Variants in PSAP observed in about 807,000 individuals in gnomAD.
The protein encoded by PSAP is prosaposin.
PSAP carries 25 observed loss-of-function variants against 66.0 expected under a neutral mutation model. That is an observed-to-expected ratio of 0.38 (90% CI 0.28 to 0.53). The LOEUF (loss-of-function observed/expected upper bound fraction) is 0.53. Among genes scored for constraint, PSAP ranks in the 20% least tolerant of loss-of-function variants. PSAP has a pLI of 0.83. For missense variants in PSAP, 649 were observed against 668.8 expected, an observed-to-expected ratio of 0.97 and a Z score of 0.33; for synonymous variants, 273 against 258.9, an observed-to-expected ratio of 1.05 and a Z score of -0.52.
intron 1 of PSAP, among the ~76,000 whole-genome samples, chr10:71,849,902 G>C (rs1187848664): frequency 6.6e-6 from 1 of 152,028 alleles, no homozygotes; most frequent in African/African-American, 2.4e-5. Context: ...TGAGAATTAA[G>C]CTCCGATTTT....
intron 2 of PSAP, among the ~76,000 whole-genome samples, chr10:71,833,085 A>G (rs1280968327): frequency 6.6e-6 from 1 of 151,982 alleles, no homozygotes; most frequent in Non-Finnish European, 1.5e-5. Flanking sequence ...ATCAAGTTTT[A>G]AAGTCCTTAC....
At chr10:71,839,491 GC>G (rs1342108491) in intron 1 of PSAP, among the ~76,000 whole-genome samples, 2 of 152,138 alleles carry the variant, frequency 1.3e-5, no homozygotes, top group African/African-American at 4.8e-5. Flanking sequence ...ACCCGCCTCG[GC>G]CTCCCAAAGT....
chr10:71,846,371 C>G (rs1246532487), intron 1 of PSAP, among the ~76,000 whole-genome samples: 5 of 149,984 alleles, frequency 3.3e-5, no homozygotes, highest in African/African-American at 1.2e-4. Flanking sequence ...ACTTTTGCAA[C>G]AGCCAAAATC....
At chr10:71,828,243 G>C (rs957765536) in intron 5 of PSAP, 86 bp from the exon 6 acceptor site, 12 of 1,447,364 alleles carry the variant, frequency 8.3e-6, no homozygotes, top group African/African-American at 5.6e-5. Context: ...TGCAGCATTA[G>C]GGGGCACTTG....
chr10:71,829,271 C>T (rs751720809), intron 4 of PSAP, among the ~76,000 whole-genome samples, 194 bp from the exon 5 acceptor site: 5 of 152,198 alleles, frequency 3.3e-5, no homozygotes, highest in African/African-American at 7.2e-5. Flanking sequence ...CACACAGTGG[C>T]CCCTAAGCTT....
At position 71,819,830 on chromosome 10, in the gene PSAP, T is replaced by G. The variant is rs765744298; in HGVS notation, c.1076A>C (p.Glu359Ala). The part of the protein sequence containing the change: ...LPKSLSEECQ[E>A]VVDTYGSSIL... ...GGAGCTGCCGTACGTGTCCACCACCTCCTGGCACTCTTCCGACAGGGACTT... is the reference window on the plus strand; with the variant it reads ...GGAGCTGCCGTACGTGTCCACCACCGCCTGGCACTCTTCCGACAGGGACTT... Residue 359 changes from glutamate (E) to alanine (A), a missense_variant, in exon 10 of 14, where the codon GAG becomes GCG. Physicochemically the swap from Glu to Ala is moderately radical, Grantham distance 107 (BLOSUM62 -1). Coordinates refer to ENST00000394936, the MANE Select transcript of PSAP (RefSeq NM_002778.4). The G allele has an allele frequency of 3.7e-5, 60 of 1,614,012 alleles. No individual in the cohort carries two copies. The South Asian group carries it at 5.1e-4, about 14-fold the overall frequency.
At chr10:71,824,664 C>A (rs560974756) in intron 7 of PSAP, among the ~76,000 whole-genome samples, 1 of 152,192 alleles carries the variant, frequency 6.6e-6, no homozygotes, top group African/African-American at 2.4e-5. Context: ...CAATGGCCAA[C>A]ATATTTTTAG....
intron 1 of PSAP, among the ~76,000 whole-genome samples, chr10:71,840,090 A>T (rs1011994362): frequency 4.6e-5 from 7 of 152,238 alleles, no homozygotes; most frequent in African/African-American, 1.7e-4. Flanking sequence ...AATGTGATAA[A>T]ACAATCAGTC....
intron 1 of PSAP, among the ~76,000 whole-genome samples, chr10:71,835,516 G>A (rs1842604749): frequency 6.7e-6 from 1 of 148,586 alleles, no homozygotes; most frequent in Admixed American, 6.7e-5. Context: ...AGGTTGTAGT[G>A]AGCCGAGATC....
chr10:71,839,215 GGC>G (rs908863476), intron 1 of PSAP, among the ~76,000 whole-genome samples: 1 of 152,082 alleles, frequency 6.6e-6, no homozygotes, highest in African/African-American at 2.4e-5. Flanking sequence ...TCAAGGGCCT[GGC>G]AAGACAGCTT....
chr10:71,831,749 T>C, intron 3 of PSAP, 97 bp downstream of exon 3: 1 of 1,264,874 alleles, frequency 7.9e-7, no homozygotes, highest in Middle Eastern at 2.6e-4. Context: ...CCCTCAGGCC[T>C]ACACCATTCC....
chr10:71,819,263 C>T, intron 11 of PSAP, 152 bp from the exon 12 acceptor site: 1 of 1,009,464 alleles, frequency 9.9e-7, no homozygotes, highest in Non-Finnish European at 1.5e-6. Flanking sequence ...TCCAGACACC[C>T]TATCTACATT....
In PSAP at chr10:71,817,328, G is replaced by C. The variant is rs544214520; in HGVS notation, c.*113C>G. The C allele has an allele frequency of 6.8e-6, 8 of 1,169,684 alleles. No homozygotes were observed. Among genetic ancestry groups the C allele is most frequent in the Non-Finnish European group, 1.0e-5 (8 of 778,104 alleles). 72.5% of individuals were successfully genotyped at this position (1,169,684 alleles called of 1,614,324 possible). ...AAGGACACAGAAATGGGGGAGGTGGGGGAGCCCTATTTTTATAACAAAGTC... is the reference window on the plus strand; with the variant it reads ...AAGGACACAGAAATGGGGGAGGTGGCGGAGCCCTATTTTTATAACAAAGTC... On this transcript the variant is annotated 3_prime_UTR_variant, in exon 14 of 14. Transcript: ENST00000394936.
intron 1 of PSAP, among the ~76,000 whole-genome samples, chr10:71,838,242 G>A (rs1333661726): frequency 1.3e-5 from 2 of 152,244 alleles, no homozygotes; most frequent in Admixed American, 1.3e-4. Flanking sequence ...GCACTAACAG[G>A]GTTCCATGAG....
At chr10:71,849,939 A>T (rs897727948) in intron 1 of PSAP, among the ~76,000 whole-genome samples, 1 of 152,154 alleles carries the variant, frequency 6.6e-6, no homozygotes, top group African/African-American at 2.4e-5. Context: ...TTCCTATCTA[A>T]GGGGTGTAGG....
At chr10:71,822,649 T>A in intron 7 of PSAP, 3 of 472,164 alleles carry the variant, frequency 6.4e-6, no homozygotes, top group South Asian at 4.6e-5. Flanking sequence ...CTAGATAGTC[T>A]AGACATCCTG....
chr10:71,819,667 G>A lies in PSAP; in HGVS notation c.1193-45C>T, dbSNP rs537932459. 1.9e-6 allele frequency: 3 copies of A among 1,613,986 alleles called. No individual in the cohort carries two copies. The African/African-American group carries it at 4.0e-5, about 22-fold the overall frequency. ...GCTCAACGCTGGCAGGGCCCTCCCA[G>A]ACCCAAGAGGGGCACCATCCTCTCC... On this transcript the variant is annotated intron_variant, in intron 10 of 13. Coordinates refer to ENST00000394936, the MANE Select transcript of PSAP (RefSeq NM_002778.4).
intron 11 of PSAP, 57 bp downstream of exon 11, chr10:71,819,408 G>A (rs1842245669): frequency 1.6e-5 from 25 of 1,603,930 alleles, no homozygotes; most frequent in Non-Finnish European, 2.0e-5. Flanking sequence ...CCCCAGCCTT[G>A]GCATACTTCA....
Position 71,818,624 on chromosome 10 carries a change from T to G in PSAP, c.1532A>C (p.Gln511Pro). The stretch of plus-strand genomic sequence containing the variant: ...GTCTGCTGAGCTACTCACATTGCAC[T>G]GGGCTGCTGTCTCTGTGTTCTGGCA... Reference protein sequence around the residue: ...YWCQNTETAAQCNAVEHCKRH... With the variant: ...YWCQNTETAAPCNAVEHCKRH... The change falls in exon 13 of 14, where the codon CAG (glutamine) becomes CCG (proline). Residue 511 changes from glutamine to proline, a missense_variant. By Grantham distance (76) the Gln-to-Pro change is moderately conservative. Transcript: ENST00000394936. The G allele has an allele frequency of 6.2e-7, 1 of 1,613,608 alleles. No homozygotes were observed. The highest frequency in any genetic ancestry group is 1.1e-5 in the South Asian group (1 of 91,054).
Sources: allele counts gnomAD v4.1 joint callset (sites outside exome capture counted in the v4.1 genomes callset), GRCh38; gene constraint gnomAD v4.1.1; transcripts MANE v1.5; gene names NCBI Gene and HGNC (gene_info 2026-07-23, HGNC 2026-07-21).